Variants in LRRC53 observed in about 807,000 individuals in gnomAD.
LRRC53 encodes leucine rich repeat containing 53, also known as leucine-rich repeat-containing protein 53.
Under a neutral mutation model 13.6 loss-of-function variants are expected in LRRC53, and 25 were observed. The observed-to-expected ratio is 1.83, with a 90% CI of 1.34 to 2.56. The LOEUF is 2.56. Among genes scored for constraint, LRRC53 ranks in the 30% most tolerant of loss-of-function variants. The pLI is 0.00. For missense variants in LRRC53, 527 were observed against 275.8 expected (o/e 1.91, Z -6.45); for synonymous variants, 204 against 109.8 (o/e 1.86, Z -5.37).
intron 3 of LRRC53, among the ~76,000 whole-genome samples, chr1:74,477,335 A>G (rs939153643): frequency 3.3e-5 from 5 of 152,082 alleles, no homozygotes; most frequent in African/African-American, 1.2e-4. Flanking sequence ...CCAGGGATTA[A>G]ATAATATATG....
At chr1:74,491,072 AG>A (rs1477791971) in intron 1 of LRRC53, among the ~76,000 whole-genome samples, 6 of 152,200 alleles carry the variant, frequency 3.9e-5, no homozygotes, top group Admixed American at 2.0e-4. Flanking sequence ...AGCCTTTTAA[AG>A]GAATAATTAA....
At chr1:74,507,057 A>G (rs1242279577) in intron 1 of LRRC53, among the ~76,000 whole-genome samples, 1 of 152,206 alleles carries the variant, frequency 6.6e-6, no homozygotes, top group Non-Finnish European at 1.5e-5. Context: ...ATGTTGAACA[A>G]ATTATTATCT....
chr1:74,502,167 A>G (rs1669666955), intron 1 of LRRC53, among the ~76,000 whole-genome samples: 1 of 152,194 alleles, frequency 6.6e-6, no homozygotes, highest in Non-Finnish European at 1.5e-5. Context: ...TGGAGTGATA[A>G]TCTTAGAAAA....
chr1:74,532,478 T>C, the LRRC53 span, among the ~76,000 whole-genome samples: 4 of 152,112 alleles, frequency 2.6e-5, no homozygotes, highest in Admixed American at 2.0e-4. Context: ...TTTCTTTTTA[T>C]TTTATTATTA....
intron 1 of LRRC53, among the ~76,000 whole-genome samples, chr1:74,496,940 A>G (rs1669356693): frequency 6.6e-6 from 1 of 152,172 alleles, no homozygotes; most frequent in Non-Finnish European, 1.5e-5. Flanking sequence ...GCTGGGCTCT[A>G]AGAATAGAAT....
Position 74,471,863 on chromosome 1 carries a change from T to A in LRRC53, c.1759A>T (p.Lys587Ter), listed in dbSNP as rs1410796431. The stretch of plus-strand genomic sequence containing the variant: ...TGTCTACGATTTGGCTTCTTTTCTT[T>A]CATGTAATCTTCAAATTGCTCACAG... Reference protein sequence around the residue: ...VPCEQFEDYMKEKKPNRRQHS... With the variant: ...VPCEQFEDYM The change falls in exon 5 of 5, where the codon AAA (lysine) becomes TAA (stop). Residue 587 changes from lysine (K) to a stop codon, truncating the protein, a stop_gained. Coordinates refer to ENST00000294635, the MANE Select transcript of LRRC53 (RefSeq NM_001382280.1). LOFTEE classifies it low-confidence loss of function (END_TRUNC). 2 of 453,000 alleles carry A rather than the reference T, an allele frequency of 4.4e-6. No individual in the cohort carries two copies. Among genetic ancestry groups the A allele is most frequent in the Non-Finnish European group, 3.9e-6 (1 of 256,736 alleles). 28.1% of individuals were successfully genotyped at this position (453,000 alleles called of 1,614,324 possible).
chr1:74,492,899 G>A (rs915894413), intron 1 of LRRC53, among the ~76,000 whole-genome samples: 2 of 152,184 alleles, frequency 1.3e-5, no homozygotes, highest in African/African-American at 4.8e-5. Flanking sequence ...GTTCAGCATG[G>A]TTGAGGTTCT....
At chr1:74,484,212 TAA>T (rs36109808) in intron 1 of LRRC53, among the ~76,000 whole-genome samples, 10 of 144,678 alleles carry the variant, frequency 6.9e-5, no homozygotes, top group African/African-American at 2.3e-4. Context: ...CCTGGTTGAT[TAA>T]AAAAAAAAAA....
At chr1:74,524,578 G>A in the LRRC53 span, among the ~76,000 whole-genome samples, 1 of 152,108 alleles carries the variant, frequency 6.6e-6, no homozygotes, top group Non-Finnish European at 1.5e-5. Flanking sequence ...CATTTTTCTT[G>A]GTTCTAAGAG....
chr1:74,504,926 A>G (rs894081516), intron 1 of LRRC53, among the ~76,000 whole-genome samples: 2 of 152,222 alleles, frequency 1.3e-5, no homozygotes, highest in Non-Finnish European at 2.9e-5. Flanking sequence ...CCACATGAAG[A>G]GAACCTGCGA....
At chr1:74,472,684 G>C (rs1667997308) in intron 4 of LRRC53, among the ~76,000 whole-genome samples, 1 of 151,980 alleles carries the variant, frequency 6.6e-6, no homozygotes, top group African/African-American at 2.4e-5. Flanking sequence ...CAATACTATT[G>C]ACTCAATGAA....
rs200428708 is a variant in LRRC53 at position 74,489,287 on chromosome 1, C to G, written c.-26-5912G>C. The G allele has an allele frequency of 1.3e-3, 2,119 of 1,589,556 alleles. 7 individuals are homozygous for G. Among genetic ancestry groups the G allele is most frequent in the Non-Finnish European group, 1.4e-3 (1,670 of 1,168,428 alleles). ...CTTCTGAAATATGTCCATAAAAAAG[C>G]CCTGCATATCCAAGGCTGTCAGGGA... On this transcript the variant is annotated intron_variant, in intron 1 of 4. Transcript: ENST00000294635.
At chr1:74,483,861 T>C (rs997587862) in intron 1 of LRRC53, among the ~76,000 whole-genome samples, 4 of 152,196 alleles carry the variant, frequency 2.6e-5, no homozygotes, top group African/African-American at 9.7e-5. Context: ...TGATTACAAC[T>C]AAATTCTTAC....
At chr1:74,531,760 A>C in the LRRC53 span, among the ~76,000 whole-genome samples, 44 of 152,330 alleles carry the variant, frequency 2.9e-4, no homozygotes, top group Non-Finnish European at 4.3e-4. Flanking sequence ...TTTTGAGTAT[A>C]AGAGATAACT....
At chr1:74,527,386 A>G in the LRRC53 span, among the ~76,000 whole-genome samples, 1 of 152,258 alleles carries the variant, frequency 6.6e-6, no homozygotes, top group Admixed American at 6.5e-5. Context: ...ATACTTACTG[A>G]GAAACAAGGC....
intron 4 of LRRC53, among the ~76,000 whole-genome samples, 161 bp downstream of exon 4, chr1:74,475,134 A>ACACG (rs1236064583): frequency 4.0e-5 from 6 of 151,214 alleles, no homozygotes; most frequent in Non-Finnish European, 7.4e-5. Flanking sequence ...ACACACACAC[A>ACACG]CACACACACA....
At chr1:74,522,098 G>C in the LRRC53 span, among the ~76,000 whole-genome samples, 2 of 152,138 alleles carry the variant, frequency 1.3e-5, no homozygotes, top group Non-Finnish European at 2.9e-5. Context: ...ATGCTGATTC[G>C]CTGGCCAGGG....
intron 1 of LRRC53, among the ~76,000 whole-genome samples, chr1:74,499,018 C>A (rs973092939): frequency 7.2e-5 from 11 of 152,110 alleles, no homozygotes; most frequent in Admixed American, 5.9e-4. Context: ...ATTTTATATT[C>A]TATTAATGTG....
chr1:74,471,171 G>A lies in LRRC53; in HGVS notation c.2451C>T (p.Val817=), dbSNP rs1667914905. ...AGCTGCTTTCTATAGAGCTCTGGTT[G>A]ACTACACGCAAGTTGTTAGCACTGA... ...PLLSANNLRV[V]NQSSIESSCY... Residue 817 remains valine, a synonymous_variant, in exon 5 of 5, where the codon GTC becomes GTT. Coordinates refer to ENST00000294635, the MANE Select transcript of LRRC53 (RefSeq NM_001382280.1). The A allele has an allele frequency of 2.5e-6, 1 of 400,564 alleles. No homozygotes were observed. Among genetic ancestry groups the A allele is most frequent in the African/African-American group, 2.1e-5 (1 of 48,666 alleles). The allele number at this position is 400,564 out of a possible 1,614,324, so 24.8% of individuals were successfully genotyped here.
Sources: allele counts gnomAD v4.1 joint callset (sites outside exome capture counted in the v4.1 genomes callset), GRCh38; gene constraint gnomAD v4.1.1; transcripts MANE v1.5; gene names NCBI Gene and HGNC (gene_info 2026-07-23, HGNC 2026-07-21).